PLCL1: variants seen among roughly 807,000 people sequenced by gnomAD.
PLCL1 encodes the protein inactive phospholipase C-like protein 1.
A neutral mutation model predicts 84.4 loss-of-function variants in PLCL1; 41 were observed. The observed-to-expected ratio is 0.49, with a 90% CI of 0.38 to 0.63. The LOEUF (loss-of-function observed/expected upper bound fraction) is 0.63, where lower values mean the gene tolerates loss of function less well. Ranked by LOEUF, PLCL1 falls within the 30% of genes least tolerant of loss-of-function variation. The pLI is 0.00. For missense variants in PLCL1, 1,206 were observed against 1,367.8 expected (o/e 0.88, Z 1.87); for synonymous variants, 490 against 488.3 (o/e 1.00, Z -0.05).
chr2:197,833,376 G>A (rs1189078388), intron 1 of PLCL1, among the ~76,000 whole-genome samples: 3 of 152,110 alleles, frequency 2.0e-5, no homozygotes, highest in African/African-American at 7.2e-5. Flanking sequence ...TAGAAAGACA[G>A]GACATCAAGT....
At chr2:198,130,629 T>C (rs62277916) in intron 5 of PLCL1, among the ~76,000 whole-genome samples, 14,925 of 152,146 alleles carry the variant, frequency 0.098, 815 homozygotes, top group Middle Eastern at 0.22. Flanking sequence ...GTCCTGCTTA[T>C]CCTCAGTGAC....
At chr2:197,807,975 T>C (rs1690515895) in intron 1 of PLCL1, among the ~76,000 whole-genome samples, 1 of 152,216 alleles carries the variant, frequency 6.6e-6, no homozygotes. Flanking sequence ...TGAAAACATG[T>C]GTTTAGTTGA....
chr2:198,062,933 A>AC (rs1162085283), intron 1 of PLCL1, among the ~76,000 whole-genome samples: 1 of 152,014 alleles, frequency 6.6e-6, no homozygotes, highest in African/African-American at 2.4e-5. Context: ...AAATTTCTGA[A>AC]CCCCACCCCC....
chr2:197,985,003 C>T (rs1299653065), intron 1 of PLCL1, among the ~76,000 whole-genome samples: 2 of 150,708 alleles, frequency 1.3e-5, no homozygotes, highest in East Asian at 2.0e-4. Flanking sequence ...TGCAGTGGTG[C>T]GATCATTATG....
At position 198,146,808 on chromosome 2, in the gene PLCL1, A is replaced by G. The variant is rs187860950; in HGVS notation, c.3134A>G (p.Lys1045Arg). The G allele has an allele frequency of 4.8e-4, 778 of 1,613,072 alleles. 1 individual carries two copies. Among genetic ancestry groups the G allele is most frequent in the Non-Finnish European group, 6.3e-4 (748 of 1,179,532 alleles). ...CAAGGAGATCTGTTGAAGAATGCCAAGAATGAAGCTATAGAAAACATGAAG... is the reference window on the plus strand; with the variant it reads ...CAAGGAGATCTGTTGAAGAATGCCAGGAATGAAGCTATAGAAAACATGAAG... The part of the protein sequence containing the change: ...KGQGDLLKNA[K>R]NEAIENMKQI... Residue 1045 changes from lysine (K) to arginine (R), a missense_variant, in exon 6 of 6, where the codon AAG becomes AGG. Physicochemically the swap from Lys to Arg is conservative, Grantham distance 26 (BLOSUM62 2). Coordinates refer to ENST00000428675, the MANE Select transcript of PLCL1 (RefSeq NM_006226.4).
At chr2:198,069,082 A>G (rs1244994599) in intron 1 of PLCL1, among the ~76,000 whole-genome samples, 2 of 152,000 alleles carry the variant, frequency 1.3e-5, no homozygotes, top group African/African-American at 4.8e-5. Context: ...AAAATTGCCT[A>G]GATAAGCAAA....
chr2:197,940,606 G>C (rs1689140038), intron 1 of PLCL1, among the ~76,000 whole-genome samples: 1 of 152,206 alleles, frequency 6.6e-6, no homozygotes, highest in African/African-American at 2.4e-5. Flanking sequence ...ATGTTATAAA[G>C]CCATGGATCA....
chr2:198,115,311 C>A (rs995925), intron 5 of PLCL1, among the ~76,000 whole-genome samples: 24 of 151,914 alleles, frequency 1.6e-4, no homozygotes, highest in African/African-American at 5.3e-4. Flanking sequence ...CACAAACAGA[C>A]AAACAGTTCA....
chr2:198,098,973 G>A (rs1231883077), intron 3 of PLCL1, among the ~76,000 whole-genome samples: 1 of 152,004 alleles, frequency 6.6e-6, no homozygotes, highest in Non-Finnish European at 1.5e-5. Flanking sequence ...CCTTTATCTG[G>A]GCAAGTCCTC....
intron 1 of PLCL1, among the ~76,000 whole-genome samples, chr2:198,077,844 C>T (rs1371665): frequency 0.71 from 107,790 of 151,986 alleles, 39,189 homozygotes; most frequent in African/African-American, 0.87. Context: ...AATATTTCCA[C>T]TCACTTCTCA....
At chr2:197,893,011 A>G (rs532311250) in intron 1 of PLCL1, among the ~76,000 whole-genome samples, 1 of 152,272 alleles carries the variant, frequency 6.6e-6, no homozygotes, top group East Asian at 1.9e-4. Context: ...AACAACAAAA[A>G]AACCTGAAAA....
chr2:198,011,549 A>G (rs1690868198), intron 1 of PLCL1, among the ~76,000 whole-genome samples: 1 of 152,014 alleles, frequency 6.6e-6, no homozygotes. Context: ...TATTTTGGGA[A>G]TGTTCCATGT....
chr2:197,933,313 G>T (rs1288942080), intron 1 of PLCL1, among the ~76,000 whole-genome samples: 2 of 148,162 alleles, frequency 1.3e-5, no homozygotes, highest in Non-Finnish European at 3.0e-5. Context: ...GCCCAGGCTG[G>T]AGCGCAGTGG....
In PLCL1 at chr2:197,805,485, C is replaced by T. The variant is rs1690453743; in HGVS notation, c.240+146C>T. The stretch of plus-strand genomic sequence containing the variant: ...CAACGCCAAACCTTCCTTCCTTATC[C>T]GGAGGTTCCCAGACTCAGCTGTCAG... On this transcript the variant is annotated intron_variant, in intron 1 of 5. Coordinates refer to ENST00000428675, the MANE Select transcript of PLCL1 (RefSeq NM_006226.4). The surrounding 1 kb of genome is among the most constrained non-coding windows in gnomAD (Gnocchi z 4.0). The T allele has an allele frequency of 1.3e-6, 1 of 775,566 alleles. No homozygotes were observed. Among genetic ancestry groups the T allele is most frequent in the African/African-American group, 1.8e-5 (1 of 55,650 alleles). The allele number at this position is 775,566 out of a possible 1,614,324, so 48.0% of individuals were successfully genotyped here.
At chr2:198,048,397 A>G (rs1179295173) in intron 1 of PLCL1, among the ~76,000 whole-genome samples, 1 of 152,220 alleles carries the variant, frequency 6.6e-6, no homozygotes, top group African/African-American at 2.4e-5. Flanking sequence ...AGGGCACTGT[A>G]TTAGTCCATT....
intron 1 of PLCL1, among the ~76,000 whole-genome samples, chr2:197,993,333 T>G (rs1382543051): frequency 1.3e-5 from 2 of 152,214 alleles, no homozygotes; most frequent in Non-Finnish European, 2.9e-5. Context: ...ATTCAAGTCC[T>G]TTGCCTGCTT....
chr2:197,856,776 A>G (rs886963540), intron 1 of PLCL1, among the ~76,000 whole-genome samples: 1 of 152,332 alleles, frequency 6.6e-6, no homozygotes, highest in Admixed American at 6.5e-5. Context: ...GGTAAAGATG[A>G]AATGAGCCAT....
At chr2:197,960,932 TC>T (rs1312423253) in intron 1 of PLCL1, among the ~76,000 whole-genome samples, 1 of 152,116 alleles carries the variant, frequency 6.6e-6, no homozygotes, top group Non-Finnish European at 1.5e-5. Flanking sequence ...TCTGTCAGTT[TC>T]TTGGCAAATA....
At chr2:197,837,549 T>G (rs1244157486) in intron 1 of PLCL1, among the ~76,000 whole-genome samples, 1 of 152,162 alleles carries the variant, frequency 6.6e-6, no homozygotes, top group Non-Finnish European at 1.5e-5. Flanking sequence ...AGAAGATAGA[T>G]ATCAAAAATC....
Sources: allele counts gnomAD v4.1 joint callset (sites outside exome capture counted in the v4.1 genomes callset), GRCh38; gene constraint gnomAD v4.1.1; non-coding constraint Gnocchi (gnomAD v3.1); transcripts MANE v1.5; gene names NCBI Gene and HGNC (gene_info 2026-07-23, HGNC 2026-07-21).